The following RABGEF1 variants were observed in gnomAD, a reference collection of about 807,000 sequenced individuals.
The protein encoded by RABGEF1 is RAB guanine nucleotide exchange factor 1.
A neutral mutation model predicts 57.3 loss-of-function variants in RABGEF1; 26 were observed. The observed-to-expected ratio is 0.45, with a 90% CI of 0.33 to 0.63. RABGEF1 has a LOEUF of 0.63. RABGEF1 is among the 20% of genes least tolerant of loss of function. The probability of loss-of-function intolerance (pLI) is 0.02; values close to 1 mark genes in which losing one functional copy is unlikely to be tolerated. For synonymous variants in RABGEF1, 185 were observed against 210.7 expected (o/e 0.88, Z 1.06); for missense variants, 464 against 607.6 (o/e 0.76, Z 2.48).
At chr7:66,684,404 G>T (rs944042082) in intron 1 of RABGEF1, among the ~76,000 whole-genome samples, 5 of 152,116 alleles carry the variant, frequency 3.3e-5, no homozygotes, top group Non-Finnish European at 7.3e-5. Flanking sequence ...GGTTGCACCA[G>T]TGCACTCCAG....
At chr7:66,708,657 T>A (rs1338398095) in intron 1 of RABGEF1, among the ~76,000 whole-genome samples, 5 of 151,950 alleles carry the variant, frequency 3.3e-5, no homozygotes, top group Non-Finnish European at 5.9e-5. Flanking sequence ...AAAATAATTT[T>A]AAAAAGTATC....
At chr7:66,720,025 G>C (rs1417584323) in intron 2 of RABGEF1, among the ~76,000 whole-genome samples, 1 of 151,966 alleles carries the variant, frequency 6.6e-6, no homozygotes, top group African/African-American at 2.4e-5. Context: ...AGTGAAATGC[G>C]TCCCAGAAAT....
At chr7:66,682,493 G>T (rs926007449) in intron 1 of RABGEF1, among the ~76,000 whole-genome samples, 1 of 152,180 alleles carries the variant, frequency 6.6e-6, no homozygotes, top group Non-Finnish European at 1.5e-5. Context: ...GCTCGTTGCC[G>T]GCATCTCCAG....
intron 1 of RABGEF1, among the ~76,000 whole-genome samples, chr7:66,699,050 G>T (rs146496339): frequency 6.6e-6 from 1 of 152,176 alleles, no homozygotes; most frequent in African/African-American, 2.4e-5. Context: ...AGACAGAGCC[G>T]CATGGAGGAG....
At chr7:66,686,150 G>A (rs189869265) in intron 1 of RABGEF1, among the ~76,000 whole-genome samples, 1 of 152,108 alleles carries the variant, frequency 6.6e-6, no homozygotes, top group Non-Finnish European at 1.5e-5. Context: ...GCATGGTGGT[G>A]TGTGCCTGTG....
intron 6 of RABGEF1, 31 bp from the exon 7 acceptor site, chr7:66,799,292 G>A: frequency 6.5e-7 from 1 of 1,534,642 alleles, no homozygotes; most frequent in Non-Finnish European, 9.0e-7. Flanking sequence ...TTTATCCTTG[G>A]AGCTCTTGTT....
intron 7 of RABGEF1, among the ~76,000 whole-genome samples, chr7:66,799,788 G>A (rs2129180175): frequency 6.6e-6 from 1 of 152,048 alleles, no homozygotes; most frequent in South Asian, 2.1e-4. Flanking sequence ...AATAATTTTG[G>A]ATAGAGGAAG....
chr7:66,736,928 G>A (rs538832775), upstream of RABGEF1, among the ~76,000 whole-genome samples: 6 of 151,982 alleles, frequency 3.9e-5, no homozygotes, highest in East Asian at 1.9e-4. Context: ...AGACACCTAC[G>A]TATACAGACA....
the RABGEF1 span, among the ~76,000 whole-genome samples, chr7:66,656,585 G>T: frequency 2.6e-5 from 4 of 152,080 alleles, no homozygotes; most frequent in East Asian, 7.7e-4. Flanking sequence ...ACTTTGGGAG[G>T]CCGAGGCGGT....
At chr7:66,753,491 A>G (rs779180932) in intron 1 of RABGEF1, among the ~76,000 whole-genome samples, 81 of 152,248 alleles carry the variant, frequency 5.3e-4, no homozygotes, top group Middle Eastern at 3.4e-3. Flanking sequence ...GTTCTGCACC[A>G]CTGTAATAAA....
At chr7:66,689,219 T>G (rs1791161426) in intron 1 of RABGEF1, among the ~76,000 whole-genome samples, 1 of 150,918 alleles carries the variant, frequency 6.6e-6, no homozygotes, top group Non-Finnish European at 1.5e-5. Flanking sequence ...AAGATTACAG[T>G]GAAAATAAAT....
intron 1 of RABGEF1, among the ~76,000 whole-genome samples, chr7:66,752,876 G>A (rs1801758614): frequency 1.3e-5 from 2 of 152,306 alleles, no homozygotes; most frequent in South Asian, 4.2e-4. Context: ...TGGAGAGTGT[G>A]GAAGGGACAA....
chr7:66,660,021 A>AG, the RABGEF1 span, among the ~76,000 whole-genome samples: 1 of 151,930 alleles, frequency 6.6e-6, no homozygotes, highest in Non-Finnish European at 1.5e-5. Flanking sequence ...AAAAAAAAAA[A>AG]GAAGACTCAA....
intron 1 of RABGEF1, among the ~76,000 whole-genome samples, chr7:66,763,496 C>A (rs1804960909): frequency 6.6e-6 from 1 of 152,202 alleles, no homozygotes; most frequent in Admixed American, 6.5e-5. Context: ...CACATTCTGT[C>A]TCTTCTGTTT....
intron 1 of RABGEF1, among the ~76,000 whole-genome samples, chr7:66,751,637 C>G (rs760726344): frequency 2.0e-5 from 3 of 152,172 alleles, no homozygotes; most frequent in Non-Finnish European, 4.4e-5. Context: ...TTTGCCCTTA[C>G]TCCTAGCAGG....
intron 7 of RABGEF1, among the ~76,000 whole-genome samples, chr7:66,800,434 A>C (rs1562879272): frequency 6.6e-6 from 1 of 151,480 alleles, no homozygotes; most frequent in Non-Finnish European, 1.5e-5. Context: ...TCCCGTGTCA[A>C]CTCCTGTTGT....
the RABGEF1 span, among the ~76,000 whole-genome samples, chr7:66,655,762 G>C: frequency 6.6e-6 from 1 of 152,204 alleles, no homozygotes; most frequent in Non-Finnish European, 1.5e-5. Context: ...AATATTTAAT[G>C]ATAAATAACA....
At chr7:66,777,091 G>T (rs1276640304) in intron 3 of RABGEF1, among the ~76,000 whole-genome samples, 1 of 152,212 alleles carries the variant, frequency 6.6e-6, no homozygotes, top group African/African-American at 2.4e-5. Flanking sequence ...AGTGTTAGCT[G>T]TTTTAAAATG....
chr7:66,661,298 CAAA>C, the RABGEF1 span, among the ~76,000 whole-genome samples: 2 of 78,026 alleles, frequency 2.6e-5, no homozygotes. Flanking sequence ...GACTCCATCT[CAAA>C]AAAAAAAAAA....
Sources: gnomAD v4.1 joint callset for allele counts (sites outside exome capture counted in the v4.1 genomes callset) on GRCh38, gnomAD v4.1.1 for gene constraint, MANE v1.5 for transcripts, NCBI Gene and HGNC (gene_info 2026-07-23, HGNC 2026-07-21) for gene names.